The following PCDHGB3 variants were observed in gnomAD, a reference collection of about 807,000 sequenced individuals.
The protein encoded by PCDHGB3 is protocadherin gamma subfamily B, 3.
A neutral mutation model predicts 59.2 loss-of-function variants in PCDHGB3; 40 were observed. The ratio of observed to expected loss-of-function variants is 0.68; its 90% CI spans 0.52 to 0.88. PCDHGB3 has a LOEUF of 0.88. Among genes scored for constraint, PCDHGB3 ranks in the 40% least tolerant of loss-of-function variants. PCDHGB3 has a pLI of 0.00. For synonymous variants in PCDHGB3, 581 were observed against 503.6 expected, an observed-to-expected ratio of 1.15 and a Z score of -2.06; for missense variants, 1,309 against 1,187.9, an observed-to-expected ratio of 1.10 and a Z score of -1.50.
rs749618566 is a variant in PCDHGB3, at chr5:141,372,747, G to C, written c.2353G>C (p.Ala785Pro). Reference protein sequence around the residue: ...AAPQDLLCDEASWFESNDNPE... With the variant: ...AAPQDLLCDEPSWFESNDNPE... ...ACCACAAGATCTTCTATGTGATGAA[G>C]CCTCTTGGTTTGAAAGTAATGACAA... Residue 785 changes from alanine (A) to proline (P), a missense_variant, in exon 1 of 4, where the codon GCC becomes CCC. Physicochemically the swap from Ala to Pro is conservative, Grantham distance 27. Transcript: ENST00000576222. 2 of 1,613,418 alleles carry C rather than the reference G, an allele frequency of 1.2e-6. No homozygotes were observed. The highest frequency in any genetic ancestry group is 1.7e-6 in the Non-Finnish European group (2 of 1,179,498).
chr5:141,431,438 C>A lies in PCDHGB3; in HGVS notation c.2415+58629C>A, dbSNP rs773812765. 6.2e-7 allele frequency: 1 copy of A among 1,613,612 alleles called. No homozygotes were observed. The highest frequency in any genetic ancestry group is 1.7e-5 in the Admixed American group (1 of 60,004). ...CGACCCGGTGCGCACAGGCACCGCG[C>A]GCATCCGCGTGATGGTTCTGGATGC... On this transcript the variant is annotated intron_variant, in intron 1 of 3. Coordinates refer to ENST00000576222, the MANE Select transcript of PCDHGB3 (RefSeq NM_018924.5). This position sits in a 1 kb window ranked among gnomAD's most constrained non-coding sequence, Gnocchi z 4.8.
rs2099427641 is a variant in PCDHGB3, at chr5:141,477,974, G to T, written c.2416-16833G>T. The T allele has an allele frequency of 1.2e-6, 2 of 1,614,034 alleles. No homozygotes were observed. The highest frequency in any genetic ancestry group is 1.6e-4 in the Middle Eastern group (1 of 6,062). On this transcript the variant is annotated intron_variant, in intron 1 of 3. Transcript: ENST00000576222. This position sits in a 1 kb window ranked among gnomAD's most constrained non-coding sequence, Gnocchi z 4.9. ...GGGATCCCCTAACCAGAGCCTTTTT[G>T]CCATAGGGCTGCACACTGGTCAAAT...
chr5:141,399,946 G>A (rs911365297), intron 1 of PCDHGB3: 1 of 1,612,270 alleles, frequency 6.2e-7, no homozygotes, highest in African/African-American at 1.3e-5. Context: ...CGTGCTGCAG[G>A]CTAGCGAGCC....
intron 2 of PCDHGB3, among the ~76,000 whole-genome samples, chr5:141,502,404 C>G (rs1270930372): frequency 6.6e-6 from 1 of 151,880 alleles, no homozygotes; most frequent in African/African-American, 2.4e-5. Context: ...TGTCCCCGAA[C>G]CTGGATTTGC....
At chr5:141,388,908 G>A (rs1240421900) in intron 1 of PCDHGB3, 5 of 1,613,892 alleles carry the variant, frequency 3.1e-6, no homozygotes, top group Admixed American at 1.7e-5. Flanking sequence ...AAATGACAAC[G>A]CCCCAGAAGT....
Position 141,371,175 on chromosome 5 carries a change from G to C in PCDHGB3, c.781G>C (p.Val261Leu), listed in dbSNP as rs753971437. 1.2e-6 allele frequency: 2 copies of C among 1,613,886 alleles called. No individual in the cohort carries two copies. The highest frequency in any genetic ancestry group is 2.7e-5 in the African/African-American group (2 of 74,934). Residue 261 changes from valine to leucine, a missense_variant, in exon 1 of 4, where the codon GTA becomes CTA. Transcript: ENST00000576222. ...AGAGAACCTGCCCGCTGGCTCCTCC[G>C]TATTAAAAGTGATGGCCATTGACAT... The part of the protein sequence containing the change: ...VAENLPAGSS[V>L]LKVMAIDMDE...
intron 2 of PCDHGB3, among the ~76,000 whole-genome samples, chr5:141,500,310 G>A (rs1327269551): frequency 6.6e-6 from 1 of 151,740 alleles, no homozygotes; most frequent in Non-Finnish European, 1.5e-5. Flanking sequence ...CCAGGTTCAC[G>A]CCATGCTCCT....
chr5:141,449,425 G>T (rs1206395356), intron 1 of PCDHGB3, among the ~76,000 whole-genome samples: 2 of 151,688 alleles, frequency 1.3e-5, no homozygotes, highest in Non-Finnish European at 2.9e-5. Context: ...TGGCCAACAT[G>T]ATAAAACTCC....
intron 2 of PCDHGB3, among the ~76,000 whole-genome samples, chr5:141,503,292 A>T (rs7710319): frequency 0.52 from 78,681 of 151,966 alleles, 21,044 homozygotes; most frequent in African/African-American, 0.62. Flanking sequence ...TGGTACATAG[A>T]AATTGCTCAA....
chr5:141,505,041 C>T (rs1028101225), intron 2 of PCDHGB3, among the ~76,000 whole-genome samples: 4 of 152,142 alleles, frequency 2.6e-5, no homozygotes, highest in African/African-American at 9.7e-5. Flanking sequence ...AGGTGCCTGT[C>T]ATCCCAGCTA....
chr5:141,423,628 A>G (rs1272272666), intron 1 of PCDHGB3: 2 of 1,604,848 alleles, frequency 1.2e-6, no homozygotes, highest in African/African-American at 1.3e-5. Context: ...CTCAGCTATC[A>G]TTTTAGGCAA....
intron 1 of PCDHGB3, chr5:141,377,128 G>A (rs1175570742): frequency 6.6e-6 from 1 of 152,206 alleles, no homozygotes; most frequent in Admixed American, 6.5e-5. Context: ...TCTTAATTTT[G>A]TGGGGGAAAA....
rs1287277950 is a variant in PCDHGB3 at position 141,384,488 on chromosome 5, T to C, written c.2415+11679T>C. The C allele has an allele frequency of 2.5e-6, 4 of 1,614,104 alleles. No individual in the cohort carries two copies. In the East Asian group the frequency reaches 8.9e-5, roughly 36 times the overall value. The stretch of plus-strand genomic sequence containing the variant: ...TATGAGCAGTTGAGAGAACTACAAC[T>C]AAGAGTGACTGCACATGACAGCGGG... On this transcript the variant is annotated intron_variant, in intron 1 of 3. Transcript: ENST00000576222.
At chr5:141,420,417 A>C (rs112493756) in intron 1 of PCDHGB3, 20 of 1,211,742 alleles carry the variant, frequency 1.7e-5, no homozygotes, top group Admixed American at 1.1e-4. Flanking sequence ...ATCATTATTA[A>C]AACAAAAGTT....
At chr5:141,458,820 C>T (rs2098954225) in intron 1 of PCDHGB3, among the ~76,000 whole-genome samples, 1 of 152,070 alleles carries the variant, frequency 6.6e-6, no homozygotes, top group African/African-American at 2.4e-5. Flanking sequence ...GCAACCTCTG[C>T]CTCCCAGGCT....
At chr5:141,479,855 C>T (rs1330076788) in intron 1 of PCDHGB3, among the ~76,000 whole-genome samples, 2 of 152,128 alleles carry the variant, frequency 1.3e-5, no homozygotes, top group Non-Finnish European at 2.9e-5. Context: ...ACTGCAAGGC[C>T]TTTGCCCTGG....
At chr5:141,392,693 C>T (rs1315405629) in intron 1 of PCDHGB3, 5 of 1,161,626 alleles carry the variant, frequency 4.3e-6, no homozygotes, top group Non-Finnish European at 5.8e-6. Context: ...GAAACCCGAC[C>T]CCTGTTTGGA....
chr5:141,371,306 TG>T lies in PCDHGB3; in HGVS notation c.914del (p.Gly305GlufsTer31). On this transcript the variant is annotated frameshift_variant, in exon 1 of 4. Transcript: ENST00000576222. LOFTEE classifies it high-confidence loss of function. ...GTAAAACGGGGGAACTCACCACTAT[TG>T]GAGAACTGGACTTTGAAGAGAGAGA... ...DSKTGELTTI[G>X]ELDFEERDSY... is the part of the protein sequence containing the mutation. 6.2e-7 allele frequency: 1 copy of T among 1,613,950 alleles called. No homozygotes were observed. The highest frequency in any genetic ancestry group is 8.5e-7 in the Non-Finnish European group (1 of 1,179,876).
Position 141,511,380 on chromosome 5 carries a change from C to G in PCDHGB3, c.*207C>G. The G allele has an allele frequency of 7.7e-6, 9 of 1,170,490 alleles. No individual in the cohort carries two copies. The highest frequency in any genetic ancestry group is 1.1e-5 in the Non-Finnish European group (9 of 854,564). 72.5% of individuals were successfully genotyped at this position (1,170,490 alleles called of 1,614,324 possible). A position where few individuals can be genotyped will look rare whatever the true frequency, so the allele number is the denominator to read the frequency against. On this transcript the variant is annotated 3_prime_UTR_variant, in exon 4 of 4. Transcript: ENST00000576222. ...GGGGTTGAATATGCAAAAGCAGTTC[C>G]GCTGGGAACCCCCATCCAATCAACT...
Sources: gnomAD v4.1 joint callset for allele counts (sites outside exome capture counted in the v4.1 genomes callset) on GRCh38, gnomAD v4.1.1 for gene constraint, Gnocchi (gnomAD v3.1) non-coding constraint, MANE v1.5 for transcripts, NCBI Gene and HGNC (gene_info 2026-07-23, HGNC 2026-07-21) for gene names.